Variants in NELL1 observed in about 807,000 individuals in gnomAD.
NELL1 encodes the protein protein kinase C-binding protein NELL1.
A neutral mutation model predicts 107.4 loss-of-function variants in NELL1; 76 were observed. That is an observed-to-expected ratio of 0.71 (90% confidence interval 0.59 to 0.86). NELL1 has a LOEUF of 0.86. Ranked by LOEUF, NELL1 falls within the 40% of genes least tolerant of loss-of-function variation. NELL1 has a pLI of 0.00. For synonymous variants in NELL1, 353 were observed against 341.2 expected (o/e 1.03, Z -0.38); for missense variants, 1,024 against 1,005.5 (o/e 1.02, Z -0.25).
chr11:21,256,930 ACAGCAGGAAC>A (rs1166522894), intron 14 of NELL1, among the ~76,000 whole-genome samples: 1 of 152,056 alleles, frequency 6.6e-6, no homozygotes, highest in Non-Finnish European at 1.5e-5. Flanking sequence ...ACAGCTGTGC[ACAGCAGGAAC>A]CCAATCCTGG....
intron 15 of NELL1, among the ~76,000 whole-genome samples, chr11:21,453,509 C>T (rs1322981454): frequency 6.6e-6 from 1 of 151,970 alleles, no homozygotes; most frequent in Non-Finnish European, 1.5e-5. Flanking sequence ...CTTTAAACTT[C>T]GTGTCTTTGT....
At chr11:21,054,514 A>T (rs1266802342) in intron 12 of NELL1, among the ~76,000 whole-genome samples, 1 of 152,066 alleles carries the variant, frequency 6.6e-6, no homozygotes, top group Admixed American at 6.6e-5. Context: ...CTCAGCTGAT[A>T]AACCTAATTT....
At chr11:21,241,904 ATT>A (rs10652603) in intron 14 of NELL1, among the ~76,000 whole-genome samples, 135 of 134,138 alleles carry the variant, frequency 1.0e-3, no homozygotes, top group African/African-American at 2.5e-3. Context: ...GTCTGTTTCT[ATT>A]TTTTTTTTTT....
At chr11:21,474,484 ATATT>A (rs1314417905) in intron 15 of NELL1, among the ~76,000 whole-genome samples, 1 of 152,088 alleles carries the variant, frequency 6.6e-6, no homozygotes, top group Non-Finnish European at 1.5e-5. Context: ...CATTTAATAA[ATATT>A]TATTAAAATA....
intron 2 of NELL1, among the ~76,000 whole-genome samples, chr11:20,745,616 T>C (rs1462884370): frequency 6.6e-6 from 1 of 152,216 alleles, no homozygotes. Flanking sequence ...TACTAGTAAG[T>C]AATCTTTGGC....
intron 14 of NELL1, among the ~76,000 whole-genome samples, chr11:21,257,416 G>A (rs1858797463): frequency 6.6e-6 from 1 of 151,984 alleles, no homozygotes; most frequent in South Asian, 2.1e-4. Flanking sequence ...ATTTTCATCT[G>A]CAAGTGGACT....
At chr11:20,793,196 G>C (rs1173921403) in intron 3 of NELL1, among the ~76,000 whole-genome samples, 1 of 151,786 alleles carries the variant, frequency 6.6e-6, no homozygotes, top group Non-Finnish European at 1.5e-5. Flanking sequence ...CTTCTTTTGT[G>C]GTATGGTTTC....
chr11:20,803,530 C>G (rs1019257201), intron 3 of NELL1, among the ~76,000 whole-genome samples: 13 of 150,912 alleles, frequency 8.6e-5, no homozygotes, highest in African/African-American at 3.0e-4. Context: ...ATTGTTTCTT[C>G]GTTTCAATTT....
chr11:21,277,000 T>C (rs1171765055), intron 14 of NELL1, among the ~76,000 whole-genome samples: 1 of 151,496 alleles, frequency 6.6e-6, no homozygotes, highest in Non-Finnish European at 1.5e-5. Flanking sequence ...AAGGACTTCA[T>C]GTCTAAAACA....
intron 15 of NELL1, among the ~76,000 whole-genome samples, chr11:21,469,099 A>G (rs1230935863): frequency 6.6e-6 from 1 of 152,028 alleles, no homozygotes; most frequent in East Asian, 1.9e-4. Context: ...CTCTATCCTA[A>G]TAGAGATAGG....
Position 21,217,230 on chromosome 11 carries a change from G to A in NELL1, c.1427-12102G>A, listed in dbSNP as rs115777761. 3.4e-3 allele frequency among the ~76,000 whole-genome samples: 514 copies of A among 152,284 alleles called. 4 individuals carry two copies. The highest frequency in any genetic ancestry group is 0.012 in the African/African-American group (492 of 41,546). On this transcript the variant is annotated intron_variant, in intron 13 of 19. Coordinates refer to ENST00000357134, the MANE Select transcript of NELL1 (RefSeq NM_006157.5). ...GAGGCCTCCTGAGCCACGTTTAACT[G>A]TGAGTCAATAAAACTACTTTACTTT...
chr11:21,390,543 G>A (rs915689152), intron 15 of NELL1, among the ~76,000 whole-genome samples: 8 of 145,660 alleles, frequency 5.5e-5, no homozygotes, highest in East Asian at 2.2e-4. Context: ...ACACACGTGC[G>A]CACGCACCCA....
At chr11:21,247,913 T>A (rs540291911) in intron 14 of NELL1, among the ~76,000 whole-genome samples, 5 of 152,318 alleles carry the variant, frequency 3.3e-5, no homozygotes, top group Admixed American at 2.0e-4. Flanking sequence ...TTCCTTATAA[T>A]CTTATGGGAC....
intron 15 of NELL1, among the ~76,000 whole-genome samples, chr11:21,517,085 A>G (rs1855585699): frequency 6.6e-6 from 1 of 152,120 alleles, no homozygotes; most frequent in Admixed American, 6.6e-5. Flanking sequence ...TACCGCGCCC[A>G]GCCACCATTG....
chr11:21,152,730 T>C (rs1324229753), intron 13 of NELL1, among the ~76,000 whole-genome samples: 1 of 152,184 alleles, frequency 6.6e-6, no homozygotes, highest in Non-Finnish European at 1.5e-5. Context: ...AACAAAAATA[T>C]ACATATAGAA....
chr11:20,748,402 A>AAT (rs1370081853), intron 2 of NELL1, among the ~76,000 whole-genome samples: 1 of 152,196 alleles, frequency 6.6e-6, no homozygotes, highest in Non-Finnish European at 1.5e-5. Flanking sequence ...AAGTATCTAT[A>AAT]AAATTTATTT....
rs148292833 is a variant in NELL1 at position 21,033,336 on chromosome 11, G to A, written c.1300+72776G>A. 5.7e-4 allele frequency among the ~76,000 whole-genome samples: 87 copies of A among 152,178 alleles called. No individual in the cohort carries two copies. The East Asian group carries it at 0.015, about 26-fold the overall frequency. On this transcript the variant is annotated intron_variant, in intron 12 of 19. Coordinates refer to ENST00000357134, the MANE Select transcript of NELL1 (RefSeq NM_006157.5). ...TTTAAGTTTAGGGGTAAATGTGCAA[G>A]TTTGATATATAGTACTCAATAGTTA...
intron 14 of NELL1, among the ~76,000 whole-genome samples, chr11:21,355,548 C>A (rs187692949): frequency 4.5e-4 from 69 of 152,290 alleles, no homozygotes; most frequent in African/African-American, 1.6e-3. Context: ...GAAACCAGGA[C>A]TAGAAGATAG....
At chr11:21,451,212 A>AG (rs1391567687) in intron 15 of NELL1, among the ~76,000 whole-genome samples, 3 of 151,630 alleles carry the variant, frequency 2.0e-5, no homozygotes, top group African/African-American at 7.2e-5. Flanking sequence ...AGAAAAAAAA[A>AG]AGAAAAAAGA....
Sources: gnomAD v4.1 joint callset for allele counts (sites outside exome capture counted in the v4.1 genomes callset) on GRCh38, gnomAD v4.1.1 for gene constraint, MANE v1.5 for transcripts, NCBI Gene and HGNC (gene_info 2026-07-23, HGNC 2026-07-21) for gene names.